TMEFF1: variants seen among roughly 807,000 people sequenced by gnomAD.
The protein encoded by TMEFF1 is transmembrane protein with EGF like and two follistatin like domains 1.
A neutral mutation model predicts 47.5 loss-of-function variants in TMEFF1; 20 were observed. The ratio of observed to expected loss-of-function variants is 0.42; its 90% CI spans 0.30 to 0.61. The LOEUF is 0.61. Among genes scored for constraint, TMEFF1 ranks in the 20% least tolerant of loss-of-function variants. The pLI, the probability that TMEFF1 is intolerant of heterozygous loss-of-function variation, is 0.19. For synonymous variants in TMEFF1, 162 were observed against 166.3 expected, an observed-to-expected ratio of 0.97 and a Z score of 0.20; for missense variants, 411 against 471.1, an observed-to-expected ratio of 0.87 and a Z score of 1.18.
intron 1 of TMEFF1, among the ~76,000 whole-genome samples, chr9:100,478,399 C>T (rs1295877951): frequency 6.6e-6 from 1 of 152,202 alleles, no homozygotes. Context: ...CAGCTTACTG[C>T]AGCCTCAGCT....
chr9:100,495,115 A>G (rs1326681590), intron 1 of TMEFF1, among the ~76,000 whole-genome samples: 1 of 152,174 alleles, frequency 6.6e-6, no homozygotes, highest in African/African-American at 2.4e-5. Flanking sequence ...ACCCTAGTCC[A>G]GGACACCAGT....
chr9:100,505,765 G>A (rs967513460), intron 2 of TMEFF1, among the ~76,000 whole-genome samples: 4 of 152,186 alleles, frequency 2.6e-5, no homozygotes, highest in Non-Finnish European at 5.9e-5. Flanking sequence ...CCTAGGGGGC[G>A]ATATTGGCAC....
chr9:100,474,249 T>C (rs1837178535), intron 1 of TMEFF1, among the ~76,000 whole-genome samples: 2 of 146,536 alleles, frequency 1.4e-5, no homozygotes, highest in Non-Finnish European at 1.5e-5. Flanking sequence ...GCACTGGGGG[T>C]CTCGGGGGTG....
intron 5 of TMEFF1, among the ~76,000 whole-genome samples, chr9:100,524,432 A>G (rs1183172173): frequency 6.6e-6 from 1 of 152,222 alleles, no homozygotes; most frequent in African/African-American, 2.4e-5. Context: ...CCTCTGTGGC[A>G]GGGTCTGGTT....
At chr9:100,566,747 C>T (rs1839133231) in intron 8 of TMEFF1, among the ~76,000 whole-genome samples, 1 of 151,908 alleles carries the variant, frequency 6.6e-6, no homozygotes, top group African/African-American at 2.4e-5. Context: ...CTCTGTTGCC[C>T]AGGCTGGAGT....
At chr9:100,503,470 C>T (rs1837803825) in intron 2 of TMEFF1, among the ~76,000 whole-genome samples, 1 of 151,602 alleles carries the variant, frequency 6.6e-6, no homozygotes, top group South Asian at 2.1e-4. Context: ...TCAATGTCTG[C>T]TCTTGCTAGG....
chr9:100,524,915 G>T (rs903737718), intron 5 of TMEFF1, among the ~76,000 whole-genome samples: 1 of 151,982 alleles, frequency 6.6e-6, no homozygotes, highest in African/African-American at 2.4e-5. Context: ...GGCAGGCCCC[G>T]GTGTGTGATG....
intron 1 of TMEFF1, among the ~76,000 whole-genome samples, chr9:100,481,362 A>C (rs1156512899): frequency 1.3e-5 from 2 of 152,244 alleles, no homozygotes; most frequent in Non-Finnish European, 2.9e-5. Flanking sequence ...TATTTGTGGA[A>C]TAGATTAATG....
intron 1 of TMEFF1, among the ~76,000 whole-genome samples, chr9:100,494,643 G>T (rs1034906254): frequency 6.6e-6 from 1 of 152,174 alleles, no homozygotes; most frequent in African/African-American, 2.4e-5. Flanking sequence ...GGAAGGGACA[G>T]TGCCTACATA....
At chr9:100,538,687 T>G (rs548331254) in intron 5 of TMEFF1, among the ~76,000 whole-genome samples, 13 of 152,376 alleles carry the variant, frequency 8.5e-5, no homozygotes, top group Admixed American at 4.6e-4. Flanking sequence ...TCTTCTTGAT[T>G]TTCTCGTGCA....
At chr9:100,529,644 G>T (rs1173019510) in intron 5 of TMEFF1, among the ~76,000 whole-genome samples, 1 of 152,072 alleles carries the variant, frequency 6.6e-6, no homozygotes, top group Admixed American at 6.6e-5. Flanking sequence ...TTAATAATGG[G>T]AGACTTTTAA....
chr9:100,482,550 A>G (rs1278500897), intron 1 of TMEFF1, among the ~76,000 whole-genome samples: 1 of 152,100 alleles, frequency 6.6e-6, no homozygotes, highest in South Asian at 2.1e-4. Flanking sequence ...TTATTTCCAC[A>G]TTGCAAAAAT....
At chr9:100,502,411 G>A (rs1283545368) in intron 2 of TMEFF1, among the ~76,000 whole-genome samples, 1 of 151,986 alleles carries the variant, frequency 6.6e-6, no homozygotes, top group Non-Finnish European at 1.5e-5. Flanking sequence ...CTAGGCGGGA[G>A]TGCAGTGACA....
chr9:100,497,562 C>T (rs1437986453), intron 1 of TMEFF1, among the ~76,000 whole-genome samples: 3 of 151,854 alleles, frequency 2.0e-5, no homozygotes, highest in Admixed American at 6.6e-5. Context: ...GCCAGCTCCT[C>T]GGAGGGTGAG....
rs1427975870 is a variant in TMEFF1, at chr9:100,473,682, T to TGGCGGC, written c.142_147dup (p.Gly48_Gly49dup). On this transcript the variant is annotated inframe_insertion, in exon 1 of 10. Coordinates refer to ENST00000374879, the MANE Select transcript of TMEFF1 (RefSeq NM_003692.5). The surrounding 1 kb of genome is among the most constrained non-coding windows in gnomAD (Gnocchi z 5.4). Reference sequence around the variant, plus strand: ...GCGCGTCCAACCAGCCCCCGGGTGGTGGCGGCGGCAGCGGCGGGGACTGTC... The same window carrying TGGCGGC: ...GCGCGTCCAACCAGCCCCCGGGTGGTGGCGGCGGCGGCGGCAGCGGCGGGGACTGTC... The TGGCGGC allele has an allele frequency of 1.3e-6, 2 of 1,538,584 alleles. No individual in the cohort carries two copies. Among genetic ancestry groups the TGGCGGC allele is most frequent in the Non-Finnish European group, 1.8e-6 (2 of 1,141,960 alleles).
Position 100,473,759 on chromosome 9 carries a change from G to T in TMEFF1, c.196+19G>T. 1.4e-6 allele frequency: 2 copies of T among 1,481,078 alleles called. No homozygotes were observed. Among genetic ancestry groups the T allele is most frequent in the East Asian group, 2.7e-5 (1 of 36,560 alleles). 91.7% of individuals were successfully genotyped at this position (1,481,078 alleles called of 1,614,324 possible). A position where few individuals can be genotyped will look rare whatever the true frequency, so the allele number is the denominator to read the frequency against. ...TGCTCAGGTAGGACCGGTCGGAGCC[G>T]GCCCTAGGTCTTCCCACCCCTCCGT... On this transcript the variant is annotated intron_variant, in intron 1 of 9. Transcript: ENST00000374879. This position sits in a 1 kb window ranked among gnomAD's most constrained non-coding sequence, Gnocchi z 5.4.
chr9:100,533,258 G>T (rs1441142831), intron 5 of TMEFF1, among the ~76,000 whole-genome samples: 2 of 151,868 alleles, frequency 1.3e-5, no homozygotes, highest in Non-Finnish European at 2.9e-5. Context: ...AAAATGCCTG[G>T]ATCCGATGCT....
chr9:100,539,549 C>T lies in TMEFF1; in HGVS notation c.561-8195C>T, dbSNP rs553704234. Among the ~76,000 whole-genome samples the T allele has an allele frequency of 1.5e-4, 23 of 152,214 alleles. No homozygotes were observed. The South Asian group carries it at 4.6e-3, about 30-fold the overall frequency. On this transcript the variant is annotated intron_variant, in intron 5 of 9. Coordinates refer to ENST00000374879, the MANE Select transcript of TMEFF1 (RefSeq NM_003692.5). ...AGTGTTACAGCTCTTAAAGGCAGCG[C>T]GTCTGGAGTTGTTCGTTCCTTCTGG...
At chr9:100,541,292 A>G (rs758409439) in intron 5 of TMEFF1, among the ~76,000 whole-genome samples, 5 of 149,388 alleles carry the variant, frequency 3.3e-5, no homozygotes, top group Non-Finnish European at 7.4e-5. Flanking sequence ...TCTGCTTGGT[A>G]TATGAGTTGC....
Sources: gnomAD v4.1 joint callset for allele counts (sites outside exome capture counted in the v4.1 genomes callset) on GRCh38, gnomAD v4.1.1 for gene constraint, Gnocchi (gnomAD v3.1) non-coding constraint, MANE v1.5 for transcripts, NCBI Gene and HGNC (gene_info 2026-07-23, HGNC 2026-07-21) for gene names.